Variants in NCOA3 observed in about 807,000 individuals in gnomAD.
The protein encoded by NCOA3 is nuclear receptor coactivator 3, also known as CBP-interacting protein.
A neutral mutation model predicts 158.8 loss-of-function variants in NCOA3; 51 were observed. That is an observed-to-expected ratio of 0.32 (90% CI 0.26 to 0.41). The LOEUF (loss-of-function observed/expected upper bound fraction) is 0.41, where lower values mean the gene tolerates loss of function less well. Among genes scored for constraint, NCOA3 ranks in the 10% least tolerant of loss-of-function variants. The probability of loss-of-function intolerance (pLI) is 1.00; values close to 1 mark genes in which losing one functional copy is unlikely to be tolerated. For synonymous variants in NCOA3, 537 were observed against 592.4 expected, an observed-to-expected ratio of 0.91 and a Z score of 1.36; for missense variants, 1,510 against 1,746.6, an observed-to-expected ratio of 0.86 and a Z score of 2.41.
At chr20:47,512,397 C>T (rs2084159686) in intron 1 of NCOA3, among the ~76,000 whole-genome samples, 1 of 151,536 alleles carries the variant, frequency 6.6e-6, no homozygotes, top group East Asian at 2.0e-4. Flanking sequence ...GGTGAGACAC[C>T]GTCTCTACTG....
At chr20:47,511,540 T>A (rs1304651277) in intron 1 of NCOA3, among the ~76,000 whole-genome samples, 1 of 22,642 alleles carries the variant, frequency 4.4e-5, no homozygotes, top group Non-Finnish European at 1.4e-4. Flanking sequence ...TATATATATA[T>A]ATATATATAT....
At chr20:47,621,189 G>A (rs1223033911) in intron 2 of NCOA3, among the ~76,000 whole-genome samples, 1 of 151,878 alleles carries the variant, frequency 6.6e-6, no homozygotes, top group Non-Finnish European at 1.5e-5. Context: ...AGACAATGTT[G>A]CAATCTAGAT....
At chr20:47,564,511 T>C (rs1464368763) in intron 1 of NCOA3, among the ~76,000 whole-genome samples, 1 of 151,772 alleles carries the variant, frequency 6.6e-6, no homozygotes, top group African/African-American at 2.4e-5. Flanking sequence ...TTGGAGTTTA[T>C]ATTCCCCTAT....
At position 47,521,183 on chromosome 20, in the gene NCOA3, TCCTGATTTGTCACC is replaced by T. The variant is rs1280132580; in HGVS notation, c.-99+19170_-99+19183del. ...CAGCTTATTCGTCGCACTGCGTGGG[TCCTGATTTGTCACC>T]CCTGAGGCCGCCACAAGGGGGCGGG... On this transcript the variant is annotated intron_variant, in intron 1 of 22. Coordinates refer to ENST00000371998, the MANE Select transcript of NCOA3 (RefSeq NM_181659.3). Among the ~76,000 whole-genome samples, 4 of 152,218 alleles carry T rather than the reference TCCTGATTTGTCACC, an allele frequency of 2.6e-5. 1 individual carries two copies. Among genetic ancestry groups the T allele is most frequent in the Admixed American group, 2.6e-4 (4 of 15,288 alleles).
At chr20:47,641,517 T>TTTTTTTG (rs2086610033) in intron 16 of NCOA3, among the ~76,000 whole-genome samples, 1 of 134,278 alleles carries the variant, frequency 7.4e-6, no homozygotes, top group Non-Finnish European at 1.6e-5. Flanking sequence ...TTTTTTTTTT[T>TTTTTTTG]TGAGACAAAG....
At chr20:47,566,009 T>C (rs961776655) in intron 1 of NCOA3, among the ~76,000 whole-genome samples, 5 of 152,236 alleles carry the variant, frequency 3.3e-5, no homozygotes, top group African/African-American at 9.6e-5. Context: ...AGTTTCTCTC[T>C]GTTGCCCAGG....
intron 1 of NCOA3, among the ~76,000 whole-genome samples, chr20:47,570,194 C>T (rs1442753199): frequency 6.6e-6 from 1 of 152,124 alleles, no homozygotes; most frequent in Non-Finnish European, 1.5e-5. Flanking sequence ...TGTGGTGGCT[C>T]ACACCTGTAA....
At position 47,639,813 on chromosome 20, in the gene NCOA3, C is replaced by A. The variant is rs563897020; in HGVS notation, c.2944C>A (p.Leu982Ile). 1 of 1,613,928 alleles carries A rather than the reference C, an allele frequency of 6.2e-7. No homozygotes were observed. The highest frequency in any genetic ancestry group is 8.5e-7 in the Non-Finnish European group (1 of 1,179,942). ...RPVLQQQQQM[L>I]QMRPGEIPMG... ...AGTATTGCAACAGCAGCAGCAGATG[C>A]TTCAAATGAGTAAGTGTCCACCCTC... is the stretch of plus-strand genomic sequence containing the variant. Residue 982 changes from leucine (L) to isoleucine (I), a missense_variant, in exon 15 of 23, where the codon CTT becomes ATT. Coordinates refer to ENST00000371998, the MANE Select transcript of NCOA3 (RefSeq NM_181659.3).
intron 3 of NCOA3, among the ~76,000 whole-genome samples, chr20:47,622,652 G>A (rs1198174491): frequency 2.0e-5 from 3 of 152,192 alleles, no homozygotes; most frequent in African/African-American, 7.2e-5. Context: ...GACTTTGTGT[G>A]AGCAACAAGG....
intron 20 of NCOA3, 34 bp from the exon 21 acceptor site, chr20:47,652,372 G>A (rs752343339): frequency 6.4e-7 from 1 of 1,564,488 alleles, no homozygotes; most frequent in East Asian, 2.3e-5. Context: ...AAGGCATTTG[G>A]GCATTTTTAT....
chr20:47,600,912 A>G (rs1013296525), intron 2 of NCOA3, among the ~76,000 whole-genome samples: 29 of 152,030 alleles, frequency 1.9e-4, no homozygotes, highest in South Asian at 2.1e-4. Flanking sequence ...TATTTTAAGT[A>G]TAGGTCACAT....
At chr20:47,613,553 T>G (rs1363912564) in intron 2 of NCOA3, among the ~76,000 whole-genome samples, 1 of 149,354 alleles carries the variant, frequency 6.7e-6, no homozygotes, top group Non-Finnish European at 1.5e-5. Flanking sequence ...TAGCAAATTA[T>G]CAGCCACAAA....
chr20:47,634,587 G>T (rs1345979769), intron 10 of NCOA3, among the ~76,000 whole-genome samples: 2 of 152,126 alleles, frequency 1.3e-5, no homozygotes, highest in Non-Finnish European at 2.9e-5. Flanking sequence ...AATGCATGAA[G>T]GGGAGGATAT....
At position 47,651,297 on chromosome 20, in the gene NCOA3, G is replaced by A. The variant is rs1334667741; in HGVS notation, c.3946+21G>A. 2.5e-6 allele frequency: 4 copies of A among 1,585,292 alleles called. No homozygotes were observed. The South Asian group carries it at 3.4e-5, about 14-fold the overall frequency. ...TTATGGTAAATCTGACAATGAAAAT[G>A]TGCCTTCCCCAAGTTAACATTACTA... On this transcript the variant is annotated intron_variant, in intron 20 of 22. Coordinates refer to ENST00000371998, the MANE Select transcript of NCOA3 (RefSeq NM_181659.3).
At chr20:47,528,202 G>A (rs2425940) in intron 1 of NCOA3, among the ~76,000 whole-genome samples, 33,783 of 152,010 alleles carry the variant, frequency 0.22, 4,387 homozygotes, top group African/African-American at 0.34. Flanking sequence ...TATACTATAA[G>A]CTGCATTCTT....
At chr20:47,530,505 C>T (rs943159778) in intron 1 of NCOA3, among the ~76,000 whole-genome samples, 1 of 150,576 alleles carries the variant, frequency 6.6e-6, no homozygotes, top group East Asian at 1.9e-4. Context: ...CTCTGTCACC[C>T]AGGCTGTAGG....
chr20:47,640,651 C>T (rs937960932), intron 16 of NCOA3, among the ~76,000 whole-genome samples: 7 of 149,482 alleles, frequency 4.7e-5, no homozygotes, highest in Middle Eastern at 3.2e-3. Flanking sequence ...GAGGCCGAGG[C>T]GGGCAGATCA....
chr20:47,594,941 G>A (rs767244702), intron 2 of NCOA3, among the ~76,000 whole-genome samples: 15 of 148,328 alleles, frequency 1.0e-4, no homozygotes, highest in Non-Finnish European at 2.2e-4. Context: ...ACAGGCACCC[G>A]CCACCACGAC....
intron 2 of NCOA3, among the ~76,000 whole-genome samples, chr20:47,597,049 T>G (rs985233903): frequency 6.6e-6 from 1 of 152,238 alleles, no homozygotes; most frequent in African/African-American, 2.4e-5. Flanking sequence ...AAGCATAATA[T>G]ACATACAAAA....
Sources: gnomAD v4.1 joint callset for allele counts (sites outside exome capture counted in the v4.1 genomes callset) on GRCh38, gnomAD v4.1.1 for gene constraint, MANE v1.5 for transcripts, NCBI Gene and HGNC (gene_info 2026-07-23, HGNC 2026-07-21) for gene names.